Variants in MAP4K4 observed in about 807,000 individuals in gnomAD.
The protein encoded by MAP4K4 is mitogen-activated protein kinase kinase kinase kinase 4, also known as HPK/GCK-like kinase HGK.
A neutral mutation model predicts 189.6 loss-of-function variants in MAP4K4; 38 were observed. That is an observed-to-expected ratio of 0.20 (90% CI 0.15 to 0.26). The LOEUF (loss-of-function observed/expected upper bound fraction) is 0.26. MAP4K4 is among the 10% of genes least tolerant of loss of function. The pLI, the probability that MAP4K4 is intolerant of heterozygous loss-of-function variation, is 1.00. For synonymous variants in MAP4K4, 610 were observed against 624.3 expected (o/e 0.98, Z 0.34); for missense variants, 1,054 against 1,726.9 (o/e 0.61, Z 6.91).
chr2:101,827,900 C>T (rs141941430), intron 5 of MAP4K4, among the ~76,000 whole-genome samples: 5 of 152,216 alleles, frequency 3.3e-5, no homozygotes, highest in East Asian at 1.9e-4. Context: ...TGCATTTGCT[C>T]GAGGATAGGT....
intron 3 of MAP4K4, chr2:101,797,300 T>C: frequency 1.5e-6 from 2 of 1,290,876 alleles, no homozygotes; most frequent in Non-Finnish European, 2.0e-6. Context: ...TGGCTTCTTC[T>C]GTTTTAGGGT....
At chr2:101,740,941 A>G (rs915847300) in intron 2 of MAP4K4, among the ~76,000 whole-genome samples, 2 of 152,110 alleles carry the variant, frequency 1.3e-5, no homozygotes, top group Non-Finnish European at 1.5e-5. Flanking sequence ...TGAACTGTTT[A>G]CCCTTAAAAT....
exon 33 of MAP4K4, chr2:101,891,618 G>A (rs368865136): frequency 4.3e-4 from 75 of 175,092 alleles, no homozygotes; most frequent in African/African-American, 1.4e-3. Context: ...CAGTGGCGAC[G>A]ATGAACATGC....
intron 2 of MAP4K4, among the ~76,000 whole-genome samples, chr2:101,716,359 C>T (rs1255626906): frequency 6.6e-6 from 1 of 152,048 alleles, no homozygotes; most frequent in Non-Finnish European, 1.5e-5. Context: ...AGAAGAATGG[C>T]GTGAACCTGG....
intron 9 of MAP4K4, among the ~76,000 whole-genome samples, chr2:101,836,595 A>G (rs1399096211): frequency 6.6e-6 from 1 of 152,214 alleles, no homozygotes; most frequent in Non-Finnish European, 1.5e-5. Flanking sequence ...TCTCAAAAAA[A>G]AAAAGAACGA....
intron 3 of MAP4K4, among the ~76,000 whole-genome samples, chr2:101,818,871 A>G (rs2095869857): frequency 6.6e-6 from 1 of 152,202 alleles, no homozygotes; most frequent in African/African-American, 2.4e-5. Flanking sequence ...TTAAATCACT[A>G]AGTGGGGGCT....
chr2:101,706,606 C>T (rs895517726), intron 2 of MAP4K4, among the ~76,000 whole-genome samples: 4 of 152,184 alleles, frequency 2.6e-5, no homozygotes, highest in African/African-American at 7.2e-5. Context: ...TAATTTAACA[C>T]CACACGTCAG....
At chr2:101,780,815 C>A (rs1025981606) in intron 2 of MAP4K4, among the ~76,000 whole-genome samples, 1 of 152,158 alleles carries the variant, frequency 6.6e-6, no homozygotes. Flanking sequence ...TTGACAGAGT[C>A]ATATGATTGA....
intron 3 of MAP4K4, chr2:101,797,341 T>C (rs997199782): frequency 7.7e-7 from 1 of 1,290,874 alleles, no homozygotes; most frequent in Non-Finnish European, 1.0e-6. Flanking sequence ...GTGCTTTGCA[T>C]GACTCTGGCA....
At chr2:101,750,172 T>A (rs369085932) in intron 2 of MAP4K4, among the ~76,000 whole-genome samples, 4 of 149,410 alleles carry the variant, frequency 2.7e-5, no homozygotes, top group Non-Finnish European at 5.9e-5. Flanking sequence ...ATATACCCAA[T>A]GGACTATAAA....
At chr2:101,767,900 C>T (rs923458113) in intron 2 of MAP4K4, among the ~76,000 whole-genome samples, 2 of 152,100 alleles carry the variant, frequency 1.3e-5, no homozygotes, top group African/African-American at 4.8e-5. Context: ...CTCCCCTCAC[C>T]CCCCCTTACT....
At chr2:101,747,381 G>A in intron 2 of MAP4K4, among the ~76,000 whole-genome samples, 1 of 152,110 alleles carries the variant, frequency 6.6e-6, no homozygotes, top group East Asian at 1.9e-4. Context: ...GGCCTCCAAA[G>A]TGCTGGGATT....
chr2:101,873,749 A>G (rs780464308), exon 25 of MAP4K4: 8 of 1,604,336 alleles, frequency 5.0e-6, no homozygotes, highest in African/African-American at 1.3e-5. Context: ...TAGCGGAACA[A>G]CAGTGACATC....
At chr2:101,769,581 G>A (rs1292508032) in intron 2 of MAP4K4, among the ~76,000 whole-genome samples, 5 of 151,866 alleles carry the variant, frequency 3.3e-5, no homozygotes, top group African/African-American at 4.8e-5. Flanking sequence ...ATCCAGAAAT[G>A]TCTTTTTCTT....
intron 2 of MAP4K4, among the ~76,000 whole-genome samples, chr2:101,713,618 G>A (rs2046825023): frequency 7.2e-6 from 1 of 139,304 alleles, no homozygotes; most frequent in Non-Finnish European, 1.5e-5. Context: ...AAAAATGCTG[G>A]GTGCGATGGC....
chr2:101,770,294 G>T (rs1470676849), intron 2 of MAP4K4, among the ~76,000 whole-genome samples: 3 of 138,184 alleles, frequency 2.2e-5, no homozygotes, highest in Non-Finnish European at 3.0e-5. Context: ...TGTCGCCCGG[G>T]CTGGAGTGCA....
intron 2 of MAP4K4, among the ~76,000 whole-genome samples, chr2:101,763,386 C>T (rs559737678): frequency 8.5e-5 from 13 of 152,304 alleles, no homozygotes; most frequent in African/African-American, 1.4e-4. Context: ...CTTTACAAGT[C>T]GTGACCAGGT....
intron 3 of MAP4K4, among the ~76,000 whole-genome samples, chr2:101,816,059 C>T (rs905299756): frequency 6.6e-6 from 1 of 152,170 alleles, no homozygotes; most frequent in African/African-American, 2.4e-5. Flanking sequence ...AACTCAGAGA[C>T]TCCTCTGGGC....
At chr2:101,724,794 TG>T in intron 2 of MAP4K4, among the ~76,000 whole-genome samples, 2 of 152,366 alleles carry the variant, frequency 1.3e-5, no homozygotes, top group Middle Eastern at 3.4e-3. Flanking sequence ...TTTTTAAAGC[TG>T]GCAAGTGACT....
Sources: gnomAD v4.1 joint callset for allele counts (sites outside exome capture counted in the v4.1 genomes callset) on GRCh38, gnomAD v4.1.1 for gene constraint, MANE v1.5 for transcripts, NCBI Gene and HGNC (gene_info 2026-07-23, HGNC 2026-07-21) for gene names.